The following CA10 variants were observed in gnomAD, a reference collection of about 807,000 sequenced individuals.
CA10 encodes the protein carbonic anhydrase-related protein 10.
In CA10, 14 loss-of-function variants were observed where a neutral mutation model predicts 44.2. The ratio of observed to expected loss-of-function variants is 0.32; its 90% CI spans 0.21 to 0.50. CA10 has a LOEUF of 0.50. Ranked by LOEUF, CA10 falls within the 20% of genes least tolerant of loss-of-function variation. CA10 has a pLI of 0.99. For missense variants in CA10, 350 were observed against 409.7 expected (o/e 0.85, Z 1.26); for synonymous variants, 159 against 141.6 (o/e 1.12, Z -0.87).
intron 1 of CA10, among the ~76,000 whole-genome samples, chr17:52,078,725 A>G (rs1374060880): frequency 6.6e-6 from 1 of 152,216 alleles, no homozygotes; most frequent in South Asian, 2.1e-4. Context: ...AAGCAGGAAC[A>G]TTGAGAAGTG....
chr17:52,152,178 G>A (rs1234361214), intron 1 of CA10, among the ~76,000 whole-genome samples: 1 of 151,916 alleles, frequency 6.6e-6, no homozygotes, highest in Non-Finnish European at 1.5e-5. Flanking sequence ...AAAGTACAGT[G>A]CTAGTTGTAG....
chr17:51,755,299 T>C (rs963684512), intron 3 of CA10, among the ~76,000 whole-genome samples: 1 of 152,200 alleles, frequency 6.6e-6, no homozygotes, highest in Non-Finnish European at 1.5e-5. Context: ...AAGAGGTATA[T>C]CTTTTTATAA....
intron 1 of CA10, among the ~76,000 whole-genome samples, chr17:52,154,444 A>C (rs1235620943): frequency 6.6e-6 from 1 of 152,226 alleles, no homozygotes; most frequent in Non-Finnish European, 1.5e-5. Flanking sequence ...GTAAAGTTAC[A>C]TAAGGAGGAA....
intron 4 of CA10, among the ~76,000 whole-genome samples, chr17:51,679,697 C>T (rs75246621): frequency 0.022 from 3,339 of 152,018 alleles, 102 homozygotes; most frequent in African/African-American, 0.073. Flanking sequence ...ATGGAGACTC[C>T]GTATTTCTAA....
intron 4 of CA10, among the ~76,000 whole-genome samples, chr17:51,712,781 C>A (rs547652526): frequency 6.6e-6 from 1 of 152,332 alleles, no homozygotes; most frequent in East Asian, 1.9e-4. Flanking sequence ...TTAATGAGGT[C>A]TCTACGCACA....
At chr17:51,900,906 T>C (rs1329090722) in intron 3 of CA10, among the ~76,000 whole-genome samples, 2 of 152,208 alleles carry the variant, frequency 1.3e-5, no homozygotes. Context: ...TTTCAGCTCC[T>C]GAATCATTTT....
intron 2 of CA10, among the ~76,000 whole-genome samples, chr17:51,967,345 T>TATAC (rs1984119482): frequency 6.6e-6 from 1 of 150,512 alleles, no homozygotes; most frequent in Admixed American, 6.6e-5. Context: ...TATATATATA[T>TATAC]ATATATGAAT....
At chr17:52,089,866 GAT>G (rs1988214216) in intron 1 of CA10, among the ~76,000 whole-genome samples, 1 of 152,036 alleles carries the variant, frequency 6.6e-6, no homozygotes, top group Non-Finnish European at 1.5e-5. Context: ...AGAAGGGAGA[GAT>G]GGGGAATACA....
At chr17:51,643,324 C>A in intron 6 of CA10, among the ~76,000 whole-genome samples, 1 of 152,060 alleles carries the variant, frequency 6.6e-6, no homozygotes, top group East Asian at 1.9e-4. Flanking sequence ...CAATACACTA[C>A]GTTAAAAAAT....
At chr17:51,860,831 C>T (rs1979269527) in intron 3 of CA10, among the ~76,000 whole-genome samples, 1 of 152,106 alleles carries the variant, frequency 6.6e-6, no homozygotes, top group Non-Finnish European at 1.5e-5. Context: ...CAGCAGCCAT[C>T]TTGATACACT....
chr17:51,760,439 G>A (rs1306131870), intron 3 of CA10, among the ~76,000 whole-genome samples: 2 of 152,162 alleles, frequency 1.3e-5, no homozygotes, highest in Non-Finnish European at 2.9e-5. Flanking sequence ...GACAGGCCAG[G>A]TGTGTGACAG....
chr17:51,692,420 T>G (rs1472413797), intron 4 of CA10, among the ~76,000 whole-genome samples: 1 of 113,340 alleles, frequency 8.8e-6, no homozygotes, highest in African/African-American at 2.7e-5. Flanking sequence ...TCTATCTATC[T>G]ATCTATTTTA....
chr17:52,056,375 G>T (rs935996311), intron 2 of CA10, among the ~76,000 whole-genome samples: 1 of 152,018 alleles, frequency 6.6e-6, no homozygotes, highest in Non-Finnish European at 1.5e-5. Flanking sequence ...GTCATGAAGC[G>T]GGTTGGTGGG....
chr17:51,685,277 C>T (rs191305616), intron 4 of CA10, among the ~76,000 whole-genome samples: 1 of 152,112 alleles, frequency 6.6e-6, no homozygotes, highest in Admixed American at 6.5e-5. Flanking sequence ...GATTTGCCGT[C>T]TGTAAATCAT....
chr17:52,078,320 A>T (rs1255446643), intron 1 of CA10, among the ~76,000 whole-genome samples: 1 of 152,194 alleles, frequency 6.6e-6, no homozygotes, highest in Non-Finnish European at 1.5e-5. Flanking sequence ...CAGTTGGGGA[A>T]GGGATGTTGC....
intron 3 of CA10, among the ~76,000 whole-genome samples, chr17:51,761,025 G>A (rs1905203208): frequency 6.6e-6 from 1 of 152,122 alleles, no homozygotes; most frequent in Non-Finnish European, 1.5e-5. Flanking sequence ...GCTAGTGGCT[G>A]CCATACTGGA....
At chr17:51,971,747 T>G (rs570702995) in intron 2 of CA10, among the ~76,000 whole-genome samples, 1 of 152,182 alleles carries the variant, frequency 6.6e-6, no homozygotes, top group South Asian at 2.1e-4. Context: ...TAGTGTCCTG[T>G]GTTAATAAAA....
At chr17:52,044,635 C>T (rs1004620436) in intron 2 of CA10, among the ~76,000 whole-genome samples, 7 of 151,824 alleles carry the variant, frequency 4.6e-5, no homozygotes, top group Admixed American at 2.6e-4. Context: ...GGAAGCTTTC[C>T]AAAATATACA....
chr17:51,950,443 C>T (rs993623877), intron 2 of CA10, among the ~76,000 whole-genome samples: 1 of 152,148 alleles, frequency 6.6e-6, no homozygotes, highest in South Asian at 2.1e-4. Context: ...TCGCAGGGAA[C>T]TGGAGGGTGA....
Sources: gnomAD v4.1 joint callset for allele counts (sites outside exome capture counted in the v4.1 genomes callset) on GRCh38, gnomAD v4.1.1 for gene constraint, MANE v1.5 for transcripts, NCBI Gene and HGNC (gene_info 2026-07-23, HGNC 2026-07-21) for gene names.